CXCL16: variants seen among roughly 807,000 people sequenced by gnomAD.
CXCL16 encodes C-X-C motif chemokine 16.
A neutral mutation model predicts 23.8 loss-of-function variants in CXCL16; 18 were observed. That is an observed-to-expected ratio of 0.76 (90% CI 0.52 to 1.12). The LOEUF is 1.12. Among genes scored for constraint, CXCL16 ranks in the 50% most tolerant of loss-of-function variants. CXCL16 has a pLI of 0.00. For missense variants in CXCL16, 297 were observed against 315.4 expected, an observed-to-expected ratio of 0.94 and a Z score of 0.44; for synonymous variants, 123 against 132.5, an observed-to-expected ratio of 0.93 and a Z score of 0.49.
intron 3 of CXCL16, among the ~76,000 whole-genome samples, chr17:4,737,357 CACCTGAG>C: frequency 6.8e-6 from 1 of 146,452 alleles, no homozygotes. Context: ...GCAGGTGGAT[CACCTGAG>C]GTCAGGAGTT....
In CXCL16 at chr17:4,734,402, C is replaced by T. The variant is rs937534855; in HGVS notation, c.*101G>A. On this transcript the variant is annotated 3_prime_UTR_variant, in exon 6 of 6. Coordinates refer to ENST00000293778, the MANE Select transcript of CXCL16 (RefSeq NM_001386809.1). ...TGTGGTAGGTGACGCCTATAATCCT[C>T]GCACCTTCAGAGGCCAAGGTGGGAG... 1.2e-5 allele frequency: 6 copies of T among 489,504 alleles called. No homozygotes were observed. The highest frequency in any genetic ancestry group is 4.1e-5 in the South Asian group (2 of 48,550). 30.3% of individuals were successfully genotyped at this position (489,504 alleles called of 1,614,324 possible).
At chr17:4,737,456 T>TG (rs929828848) in intron 3 of CXCL16, among the ~76,000 whole-genome samples, 1 of 149,664 alleles carries the variant, frequency 6.7e-6, no homozygotes, top group Non-Finnish European at 1.5e-5. Flanking sequence ...GGCGGGCACC[T>TG]GCAATCCCAG....
rs773694740 is a variant in CXCL16, at chr17:4,739,295, C to T, written c.45G>A (p.Leu15=). 1.9e-6 allele frequency: 3 copies of T among 1,610,832 alleles called. No individual in the cohort carries two copies. The highest frequency in any genetic ancestry group is 2.5e-6 in the Non-Finnish European group (3 of 1,178,536). The change falls in exon 1 of 6, where the codon CTG becomes CTA. Residue 15 remains leucine, a synonymous_variant. Transcript: ENST00000293778. This position sits in a 1 kb window ranked among gnomAD's most constrained non-coding sequence, Gnocchi z 5.3. ...TCAGGTACACCAGCAGGAGCAGAAG[C>T]AGGAGCAGGAGCACGCGGGACCCGG... is the stretch of plus-strand genomic sequence containing the variant. ...LRPGSRVLLL[L]LLLLLVYLTQ...
chr17:4,739,867 G>A lies in CXCL16; in HGVS notation c.-528C>T. 1.0e-6 allele frequency: 1 copy of A among 986,274 alleles called. No individual in the cohort carries two copies. Among genetic ancestry groups the A allele is most frequent in the Non-Finnish European group, 1.2e-6 (1 of 830,576 alleles). The allele number at this position is 986,274 out of a possible 1,614,324, so 61.1% of individuals were successfully genotyped here. On this transcript the variant is annotated 5_prime_UTR_variant, in exon 1 of 6. Transcript: ENST00000293778. This position sits in a 1 kb window ranked among gnomAD's most constrained non-coding sequence, Gnocchi z 5.3. ...GCATGAGCCTCCCGGGCGGCCCGGT[G>A]GAGAGAGTCGCCGCCAGCCCCGGCC...
chr17:4,734,962 A>C (rs894090266), intron 4 of CXCL16, 130 bp downstream of exon 4: 1 of 910,906 alleles, frequency 1.1e-6, no homozygotes, highest in African/African-American at 1.7e-5. Context: ...GCCCAGAGTC[A>C]ACCTTGTGCA....
At chr17:4,734,538 C>G in intron 5 of CXCL16, 45 bp downstream of exon 5, 1 of 1,285,834 alleles carries the variant, frequency 7.8e-7, no homozygotes, top group Non-Finnish European at 1.1e-6. Flanking sequence ...TGTCAGGGGT[C>G]AGTCTCCTTT....
At chr17:4,734,673 G>T in intron 4 of CXCL16, 21 bp from the exon 5 acceptor site, 1 of 1,600,056 alleles carries the variant, frequency 6.2e-7, no homozygotes, top group South Asian at 1.1e-5. Flanking sequence ...TAAAGAAATT[G>T]AGAGATGAGC....
Position 4,739,129 on chromosome 17 carries a change from G to A in CXCL16, c.79+132C>T, listed in dbSNP as rs1282562908. 7.6e-7 allele frequency: 1 copy of A among 1,310,270 alleles called. No individual in the cohort carries two copies. Among genetic ancestry groups the A allele is most frequent in the South Asian group, 1.4e-5 (1 of 70,062 alleles). 81.2% of individuals were successfully genotyped at this position (1,310,270 alleles called of 1,614,324 possible). ...CCCCGGGCCTCTGTCCCCAACCCCA[G>A]GCGGCTGGCTGGCTTTCCTCTTGTC... On this transcript the variant is annotated intron_variant, in intron 1 of 5. Transcript: ENST00000293778. The surrounding 1 kb of genome is among the most constrained non-coding windows in gnomAD (Gnocchi z 5.3).
At position 4,733,786 on chromosome 17, in the gene CXCL16, G is replaced by C. The variant is rs947974457; in HGVS notation, c.*717C>G. On this transcript the variant is annotated 3_prime_UTR_variant, in exon 6 of 6. Transcript: ENST00000293778. The stretch of plus-strand genomic sequence containing the variant: ...GAGGAACAACTGGTGTACTGGGAGA[G>C]AGATTTGGGACGAGGGGGAACCATC... 1 of 152,840 alleles carries C rather than the reference G, an allele frequency of 6.5e-6. No homozygotes were observed. The highest frequency in any genetic ancestry group is 1.5e-5 in the Non-Finnish European group (1 of 68,454). 9.5% of individuals were successfully genotyped at this position (152,840 alleles called of 1,614,324 possible).
At position 4,738,957 on chromosome 17, in the gene CXCL16, G is replaced by A. The variant is rs764685457; in HGVS notation, c.80-37C>T. 11 of 1,606,386 alleles carry A rather than the reference G, an allele frequency of 6.8e-6. No individual in the cohort carries two copies. The highest frequency in any genetic ancestry group is 8.5e-6 in the Non-Finnish European group (10 of 1,176,140). Reference sequence around the variant, plus strand: ...GGAGGTGGTCGGCACCCATTCCCAGGCCCAGGGTCCCCACTCCGCTGTTCC... The same window carrying A: ...GGAGGTGGTCGGCACCCATTCCCAGACCCAGGGTCCCCACTCCGCTGTTCC... On this transcript the variant is annotated intron_variant, in intron 1 of 5. Coordinates refer to ENST00000293778, the MANE Select transcript of CXCL16 (RefSeq NM_001386809.1). The surrounding 1 kb of genome is among the most constrained non-coding windows in gnomAD (Gnocchi z 4.0).
Position 4,739,871 on chromosome 17 carries a change from A to G in CXCL16, c.-532T>C. On this transcript the variant is annotated 5_prime_UTR_variant, in exon 1 of 6. Coordinates refer to ENST00000293778, the MANE Select transcript of CXCL16 (RefSeq NM_001386809.1). This position sits in a 1 kb window ranked among gnomAD's most constrained non-coding sequence, Gnocchi z 5.3. ...GAGCCTCCCGGGCGGCCCGGTGGAG[A>G]GAGTCGCCGCCAGCCCCGGCCGCGC... The G allele has an allele frequency of 1.0e-6, 1 of 985,940 alleles. No homozygotes were observed. Among genetic ancestry groups the G allele is most frequent in the Non-Finnish European group, 1.2e-6 (1 of 830,436 alleles). 61.1% of individuals were successfully genotyped at this position (985,940 alleles called of 1,614,324 possible).
Position 4,738,632 on chromosome 17 carries a change from C to T in CXCL16, c.219-142G>A, listed in dbSNP as rs1156399876. The T allele has an allele frequency of 3.0e-6, 3 of 1,012,504 alleles. No homozygotes were observed. The African/African-American group carries it at 4.8e-5, about 16-fold the overall frequency. 62.7% of individuals were successfully genotyped at this position (1,012,504 alleles called of 1,614,324 possible). On this transcript the variant is annotated intron_variant, in intron 2 of 5. Transcript: ENST00000293778. This position sits in a 1 kb window ranked among gnomAD's most constrained non-coding sequence, Gnocchi z 4.0. ...AACTCCCCAGTAGGTGAGACGGAGT[C>T]ATGAAGTTTCGGGGAATGAGAGCAA...
chr17:4,734,964 C>G, intron 4 of CXCL16, 128 bp downstream of exon 4: 1 of 929,108 alleles, frequency 1.1e-6, no homozygotes, highest in Non-Finnish European at 1.6e-6. Context: ...CCAGAGTCAA[C>G]CTTGTGCAGA....
Position 4,734,488 on chromosome 17 carries a change from CAA to C in CXCL16, c.*24-11_*24-10del, listed in dbSNP as rs1916091496. The C allele has an allele frequency of 1.9e-5, 16 of 826,212 alleles. No individual in the cohort carries two copies. The highest frequency in any genetic ancestry group is 2.6e-4 in the Middle Eastern group (1 of 3,914). 51.2% of individuals were successfully genotyped at this position (826,212 alleles called of 1,614,324 possible). ...CAACATAGAGTCCGTCTCTAAAAAA[CAA>C]AAAACAAAAACAAGTATGTATACAG... On this transcript the variant is annotated splice_polypyrimidine_tract_variant and intron_variant, in intron 5 of 5. Transcript: ENST00000293778.
Position 4,739,447 on chromosome 17 carries a change from CGGA to C in CXCL16, c.-111_-109del. On this transcript the variant is annotated 5_prime_UTR_variant, in exon 1 of 6. Coordinates refer to ENST00000293778, the MANE Select transcript of CXCL16 (RefSeq NM_001386809.1). The surrounding 1 kb of genome is among the most constrained non-coding windows in gnomAD (Gnocchi z 5.3). ...TGTCTCAATGGCTTTCGCCGGGGACCGGAGGAGACGGCGGCCGGAGAGGAGGCG... is the reference window on the plus strand; with the variant it reads ...TGTCTCAATGGCTTTCGCCGGGGACCGGAGACGGCGGCCGGAGAGGAGGCG... 6.5e-7 allele frequency: 1 copy of C among 1,541,364 alleles called. No individual in the cohort carries two copies. The highest frequency in any genetic ancestry group is 8.9e-7 in the Non-Finnish European group (1 of 1,129,644).
At position 4,739,721 on chromosome 17, in the gene CXCL16, C is replaced by G; in HGVS notation, c.-382G>C. The G allele has an allele frequency of 2.0e-6, 2 of 1,023,910 alleles. No homozygotes were observed. The highest frequency in any genetic ancestry group is 2.5e-6 in the Non-Finnish European group (2 of 803,586). The allele number at this position is 1,023,910 out of a possible 1,614,324, so 63.4% of individuals were successfully genotyped here. A position where few individuals can be genotyped will look rare whatever the true frequency, so the allele number is the denominator to read the frequency against. ...CCCGAGGAGCCGATTCGGTTCGGTT[C>G]AGGAGGCCGCCCGCCTGGCCCGTCC... is the stretch of plus-strand genomic sequence containing the variant. On this transcript the variant is annotated 5_prime_UTR_variant, in exon 1 of 6. The change abolishes the stop of an existing upstream ORF in the 5' untranslated region. Coordinates refer to ENST00000293778, the MANE Select transcript of CXCL16 (RefSeq NM_001386809.1). The surrounding 1 kb of genome is among the most constrained non-coding windows in gnomAD (Gnocchi z 5.3).
intron 4 of CXCL16, 121 bp from the exon 5 acceptor site, chr17:4,734,773 T>C (rs1916101539): frequency 1.1e-6 from 1 of 871,254 alleles, no homozygotes; most frequent in African/African-American, 1.7e-5. Flanking sequence ...CCACAGTAGG[T>C]GCTCAGTGAA....
chr17:4,739,280 CAGCAGGAGCAGA>C lies in CXCL16; in HGVS notation c.48_59del (p.Leu17_Leu20del). 9 of 1,607,938 alleles carry C rather than the reference CAGCAGGAGCAGA, an allele frequency of 5.6e-6. No homozygotes were observed. Among genetic ancestry groups the C allele is most frequent in the Non-Finnish European group, 7.6e-6 (9 of 1,177,238 alleles). On this transcript the variant is annotated inframe_deletion, in exon 1 of 6. Coordinates refer to ENST00000293778, the MANE Select transcript of CXCL16 (RefSeq NM_001386809.1). The surrounding 1 kb of genome is among the most constrained non-coding windows in gnomAD (Gnocchi z 5.3). ...GCTAACCTGGCTGAGTCAGGTACAC[CAGCAGGAGCAGA>C]AGCAGGAGCAGGAGCACGCGGGACC...
At position 4,735,260 on chromosome 17, in the gene CXCL16, C is replaced by T. The variant is rs1484302305; in HGVS notation, c.550G>A (p.Glu184Lys). 6.2e-7 allele frequency: 1 copy of T among 1,614,138 alleles called. No homozygotes were observed. Among genetic ancestry groups the T allele is most frequent in the East Asian group, 2.2e-5 (1 of 44,876 alleles). ...TAGHSLAAGP[E>K]AGENQKQPEK... ...GGCTGCTTCTGGTTCTCCCCAGCCT[C>T]AGGCCCAGCTGCCAGACTGTGGCCC... The change falls in exon 4 of 6, where the codon GAG (glutamate) becomes AAG (lysine). Residue 184 changes from glutamate (E) to lysine (K), a missense_variant. By Grantham distance (56) the Glu-to-Lys change is moderately conservative (BLOSUM62 1). Transcript: ENST00000293778.
Sources: gnomAD v4.1 joint callset for allele counts (sites outside exome capture counted in the v4.1 genomes callset) on GRCh38, gnomAD v4.1.1 for gene constraint, Gnocchi (gnomAD v3.1) non-coding constraint, MANE v1.5 for transcripts, NCBI Gene and HGNC (gene_info 2026-07-23, HGNC 2026-07-21) for gene names.